Variants in KDM2B observed in about 807,000 individuals in gnomAD.
The protein encoded by KDM2B is lysine-specific demethylase 2B.
Under a neutral mutation model 150.0 loss-of-function variants are expected in KDM2B, and 26 were observed. The ratio of observed to expected loss-of-function variants is 0.17; its 90% CI spans 0.13 to 0.24. The LOEUF is 0.24. KDM2B is among the 10% of genes least tolerant of loss of function. The pLI is 1.00. For missense variants in KDM2B, 1,265 were observed against 1,816.9 expected, an observed-to-expected ratio of 0.70 and a Z score of 5.52; for synonymous variants, 734 against 729.5, an observed-to-expected ratio of 1.01 and a Z score of -0.10.
intron 1 of KDM2B, 22 bp from the exon 2 acceptor site, chr12:121,578,968 A>G: frequency 6.2e-7 from 1 of 1,606,822 alleles, no homozygotes; most frequent in South Asian, 1.1e-5. Flanking sequence ...CAAACCAGAG[A>G]GCCCGGGACA....
intron 11 of KDM2B, among the ~76,000 whole-genome samples, chr12:121,498,906 G>C (rs1566341459): frequency 6.6e-6 from 1 of 151,910 alleles, no homozygotes; most frequent in African/African-American, 2.4e-5. Flanking sequence ...TCGAACTCCT[G>C]GGCTCAAGCA....
Position 121,442,836 on chromosome 12 carries a change from G to A in KDM2B, c.2605C>T (p.Arg869Trp), listed in dbSNP as rs868966222. Residue 869 changes from arginine (R) to tryptophan (W), a missense_variant and splice_region_variant, in exon 19 of 23, where the codon CGG becomes TGG. Physicochemically the swap from Arg to Trp is moderately radical, Grantham distance 101. Around this residue, in one of 11 missense-constraint regions of KDM2B, gnomAD observed 418 missense variants for 402.4 expected, o/e 1.04. Transcript: ENST00000377071. This position sits in a 1 kb window ranked among gnomAD's most constrained non-coding sequence, Gnocchi z 7.7. The stretch of plus-strand genomic sequence containing the variant: ...TCCTCGGCGTTCTTCCAGGACCGCC[G>A]CTGAGGGCGAGAGCGGAGACGCGTC... ...GKEDKLFRKKRRSWKNAEDRM... is the reference protein window; with the variant it reads ...GKEDKLFRKKWRSWKNAEDRM... The A allele has an allele frequency of 1.6e-5, 25 of 1,518,706 alleles. No individual in the cohort carries two copies. Among genetic ancestry groups the A allele is most frequent in the African/African-American group, 2.8e-5 (2 of 71,540 alleles). 94.1% of individuals were successfully genotyped at this position (1,518,706 alleles called of 1,614,324 possible). A position where few individuals can be genotyped will look rare whatever the true frequency, so the allele number is the denominator to read the frequency against.
intron 8 of KDM2B, among the ~76,000 whole-genome samples, chr12:121,526,297 G>C (rs926680105): frequency 6.6e-6 from 1 of 152,128 alleles, no homozygotes; most frequent in African/African-American, 2.4e-5. Flanking sequence ...AAGTTGCAGT[G>C]AGCCAATATT....
chr12:121,486,333 CTTTTTTTT>C (rs71079073), intron 12 of KDM2B, among the ~76,000 whole-genome samples: 3 of 59,018 alleles, frequency 5.1e-5, no homozygotes, highest in African/African-American at 2.4e-4. Context: ...TTTCGAACTC[CTTTTTTTT>C]TTTTTTTTTT....
At chr12:121,491,615 A>G (rs1390943595) in intron 12 of KDM2B, among the ~76,000 whole-genome samples, 6 of 151,950 alleles carry the variant, frequency 3.9e-5, no homozygotes, top group African/African-American at 1.5e-4. Context: ...CAACATGGTG[A>G]AACCCCGTCT....
chr12:121,473,811 G>C (rs1555296292), intron 12 of KDM2B, among the ~76,000 whole-genome samples: 1 of 151,344 alleles, frequency 6.6e-6, no homozygotes, highest in Non-Finnish European at 1.5e-5. Flanking sequence ...ATTCACAATA[G>C]CCACAGGTAG....
intron 8 of KDM2B, among the ~76,000 whole-genome samples, chr12:121,524,133 C>T (rs1594044951): frequency 3.3e-5 from 5 of 152,282 alleles, no homozygotes; most frequent in Admixed American, 3.3e-4. Context: ...TCTTATATGG[C>T]CCCACAAGCC....
intron 6 of KDM2B, chr12:121,536,002 C>A: frequency 1.0e-6 from 1 of 972,268 alleles, no homozygotes; most frequent in Non-Finnish European, 1.2e-6. Flanking sequence ...GCCCGCAACA[C>A]ATGCTTACCC....
Position 121,511,363 on chromosome 12 carries a change from C to T in KDM2B, c.1175-1324G>A, listed in dbSNP as rs1301066776. 5.4e-5 allele frequency among the ~76,000 whole-genome samples: 8 copies of T among 148,186 alleles called. No individual in the cohort carries two copies. The South Asian group carries it at 6.5e-4, about 12-fold the overall frequency. The stretch of plus-strand genomic sequence containing the variant: ...GTGCAATGGCGCGATCTCGGCACAC[C>T]GCAACCTCCGCCTCCCAGGTTCAAG... On this transcript the variant is annotated intron_variant, in intron 10 of 22. Transcript: ENST00000377071.
chr12:121,491,344 T>A (rs1402088126), intron 12 of KDM2B, among the ~76,000 whole-genome samples: 2 of 152,072 alleles, frequency 1.3e-5, no homozygotes, highest in African/African-American at 4.8e-5. Flanking sequence ...AAACTGCATC[T>A]GGAAGCTGCT....
intron 4 of KDM2B, among the ~76,000 whole-genome samples, chr12:121,560,369 A>T (rs1271769864): frequency 6.6e-6 from 1 of 152,136 alleles, no homozygotes; most frequent in Non-Finnish European, 1.5e-5. Flanking sequence ...CTGACTTTAT[A>T]CTTTTTCTTT....
rs1295460976 is a variant in KDM2B, at chr12:121,467,569, A to G, written c.1735-14225T>C. 1.3e-5 allele frequency: 2 copies of G among 149,820 alleles called. No individual in the cohort carries two copies. The highest frequency in any genetic ancestry group is 4.9e-5 in the African/African-American group (2 of 40,668). 9.3% of individuals were successfully genotyped at this position (149,820 alleles called of 1,614,324 possible). On this transcript the variant is annotated intron_variant, in intron 12 of 22. Transcript: ENST00000377071. The surrounding 1 kb of genome is among the most constrained non-coding windows in gnomAD (Gnocchi z 5.1). ...GCCGAGGGCGGTCCCTCGCGGCCGGAGCGCGGGGACTGGGGCTGCGTGGGG... is the reference window on the plus strand; with the variant it reads ...GCCGAGGGCGGTCCCTCGCGGCCGGGGCGCGGGGACTGGGGCTGCGTGGGG...
Position 121,453,009 on chromosome 12 carries a change from C to T in KDM2B, c.1959+111G>A. 3 of 1,015,604 alleles carry T rather than the reference C, an allele frequency of 3.0e-6. No homozygotes were observed. The highest frequency in any genetic ancestry group is 3.4e-5 in the South Asian group (2 of 59,614). 62.9% of individuals were successfully genotyped at this position (1,015,604 alleles called of 1,614,324 possible). On this transcript the variant is annotated intron_variant, in intron 13 of 22. Coordinates refer to ENST00000377071, the MANE Select transcript of KDM2B (RefSeq NM_032590.5). This position sits in a 1 kb window ranked among gnomAD's most constrained non-coding sequence, Gnocchi z 6.4. ...GGAAGAGCTCTCGGGGAGTCCACAG[C>T]CCCGGCTTCTCTGTGTGCGGAGGGG... is the stretch of plus-strand genomic sequence containing the variant.
At chr12:121,577,339 C>T (rs1891566504) in intron 2 of KDM2B, among the ~76,000 whole-genome samples, 1 of 152,132 alleles carries the variant, frequency 6.6e-6, no homozygotes, top group Non-Finnish European at 1.5e-5. Flanking sequence ...ATATTGTTTG[C>T]ACATAGGATC....
chr12:121,509,599 C>T lies in KDM2B; in HGVS notation c.1615G>A (p.Glu539Lys). ...CCCTCCAGGAGTGCCTGGGGGTCCTCGATGCCCTCGGGGACACACTTCTTG... is the reference window on the plus strand; with the variant it reads ...CCCTCCAGGAGTGCCTGGGGGTCCTTGATGCCCTCGGGGACACACTTCTTG... Reference protein sequence around the residue: ...ENKKCVPEGIEDPQALLEGVK... With the variant: ...ENKKCVPEGIKDPQALLEGVK... Residue 539 changes from glutamate (E) to lysine (K), a missense_variant, in exon 11 of 23, where the codon GAG becomes AAG. Physicochemically the swap from Glu to Lys is moderately conservative, Grantham distance 56. This residue lies in a region of KDM2B where 20 missense variants were observed against 49.5 expected (regional missense o/e 0.40). Coordinates refer to ENST00000377071, the MANE Select transcript of KDM2B (RefSeq NM_032590.5). 6.2e-7 allele frequency: 1 copy of T among 1,613,794 alleles called. No homozygotes were observed. The highest frequency in any genetic ancestry group is 8.5e-7 in the Non-Finnish European group (1 of 1,180,000).
intron 22 of KDM2B, among the ~76,000 whole-genome samples, chr12:121,436,724 G>A (rs1193338087): frequency 2.0e-5 from 3 of 152,146 alleles, no homozygotes; most frequent in Admixed American, 6.6e-5. Context: ...CGGCTTCTGT[G>A]AGTGTTCAGC....
At position 121,533,002 on chromosome 12, in the gene KDM2B, G is replaced by A. The variant is rs781922087; in HGVS notation, c.778-43C>T. 3.2e-5 allele frequency: 52 copies of A among 1,610,024 alleles called. No homozygotes were observed. The highest frequency in any genetic ancestry group is 4.2e-5 in the Non-Finnish European group (49 of 1,177,616). On this transcript the variant is annotated intron_variant, in intron 7 of 22. Coordinates refer to ENST00000377071, the MANE Select transcript of KDM2B (RefSeq NM_032590.5). This position sits in a 1 kb window ranked among gnomAD's most constrained non-coding sequence, Gnocchi z 4.1. The stretch of plus-strand genomic sequence containing the variant: ...GCAGTCAGCTGGAGACCCAGGCCCA[G>A]ACAAGACCCAGAGAGAGGGCCCCAC...
In KDM2B at chr12:121,513,660, G is replaced by A. The variant is rs1436036249; in HGVS notation, c.1048-258C>T. Reference sequence around the variant, plus strand: ...GCTGCACGCCCCAGAGGTTGGATGGGGGCCACTTGATGCTCCCGTGAGATG... The same window carrying A: ...GCTGCACGCCCCAGAGGTTGGATGGAGGCCACTTGATGCTCCCGTGAGATG... On this transcript the variant is annotated intron_variant, in intron 9 of 22. Coordinates refer to ENST00000377071, the MANE Select transcript of KDM2B (RefSeq NM_032590.5). The surrounding 1 kb of genome is among the most constrained non-coding windows in gnomAD (Gnocchi z 5.0). Among the ~76,000 whole-genome samples the A allele has an allele frequency of 2.0e-5, 3 of 152,090 alleles. No individual in the cohort carries two copies. The highest frequency in any genetic ancestry group is 4.4e-5 in the Non-Finnish European group (3 of 68,014).
chr12:121,498,628 C>T (rs1164298115), intron 11 of KDM2B, among the ~76,000 whole-genome samples: 6 of 152,064 alleles, frequency 3.9e-5, no homozygotes, highest in Non-Finnish European at 8.8e-5. Flanking sequence ...GTAATGCCCA[C>T]CCCCCTTTGT....
Sources: allele counts gnomAD v4.1 joint callset (sites outside exome capture counted in the v4.1 genomes callset), GRCh38; gene constraint gnomAD v4.1.1; regional missense constraint gnomAD v4.1.1; non-coding constraint Gnocchi (gnomAD v3.1); transcripts MANE v1.5; gene names NCBI Gene and HGNC (gene_info 2026-07-23, HGNC 2026-07-21).